The following TAF12 variants were observed in gnomAD, a reference collection of about 807,000 sequenced individuals.
The protein encoded by TAF12 is transcription initiation factor TFIID subunit 12.
TAF12 carries 3 observed loss-of-function variants against 20.8 expected under a neutral mutation model. The observed-to-expected ratio is 0.14, with a 90% CI of 0.07 to 0.37. The LOEUF (loss-of-function observed/expected upper bound fraction) is 0.37. Ranked by LOEUF, TAF12 falls within the 10% of genes least tolerant of loss-of-function variation. The pLI is 1.00. For synonymous variants in TAF12, 69 were observed against 70.2 expected (o/e 0.98, Z 0.09); for missense variants, 131 against 197.9 (o/e 0.66, Z 2.03).
intron 1 of TAF12, chr1:28,642,607 C>T (rs964687639): frequency 2.0e-6 from 2 of 983,224 alleles, no homozygotes; most frequent in South Asian, 4.7e-5. Flanking sequence ...TCTTCACTGT[C>T]CCGCTTCTGC....
intron 1 of TAF12, among the ~76,000 whole-genome samples, chr1:28,630,189 T>C (rs1221549537): frequency 1.3e-5 from 2 of 152,210 alleles, no homozygotes; most frequent in African/African-American, 4.8e-5. Flanking sequence ...CAAGCGATCC[T>C]CCTGCCTCAG....
chr1:28,632,820 G>A (rs1237326916), intron 1 of TAF12, among the ~76,000 whole-genome samples: 1 of 151,970 alleles, frequency 6.6e-6, no homozygotes, highest in East Asian at 1.9e-4. Flanking sequence ...CATATTCTAT[G>A]AGTTATGACT....
chr1:28,641,416 G>A (rs1337558942), intron 1 of TAF12, among the ~76,000 whole-genome samples: 1 of 152,040 alleles, frequency 6.6e-6, no homozygotes, highest in Non-Finnish European at 1.5e-5. Flanking sequence ...TGGGGAAGCA[G>A]AGATTGCAGT....
intron 1 of TAF12, among the ~76,000 whole-genome samples, chr1:28,628,092 C>T (rs1001560415): frequency 6.6e-6 from 1 of 151,942 alleles, no homozygotes; most frequent in Non-Finnish European, 1.5e-5. Context: ...CCTCCAGCTT[C>T]CCAGGAAAAA....
At chr1:28,621,387 A>T (rs1667216732) in intron 2 of TAF12, among the ~76,000 whole-genome samples, 2 of 152,244 alleles carry the variant, frequency 1.3e-5, no homozygotes, top group Admixed American at 1.3e-4. Flanking sequence ...CAGAAAATTA[A>T]TAATGGCAGC....
At chr1:28,635,971 C>G (rs2124379892) in intron 1 of TAF12, among the ~76,000 whole-genome samples, 1 of 152,136 alleles carries the variant, frequency 6.6e-6, no homozygotes, top group East Asian at 1.9e-4. Context: ...GCATAAAAGC[C>G]CTATACTGTG....
chr1:28,621,888 G>A (rs764264792), intron 2 of TAF12, 26 bp downstream of exon 2: 1 of 1,608,920 alleles, frequency 6.2e-7, no homozygotes. Flanking sequence ...AGTGGCTACA[G>A]AGAAGAAAGA....
intron 3 of TAF12, 48 bp downstream of exon 3, chr1:28,617,905 A>C: frequency 6.4e-7 from 1 of 1,567,632 alleles, no homozygotes; most frequent in Non-Finnish European, 8.8e-7. Flanking sequence ...CCACTATGCT[A>C]TACCGGTTCT....
Position 28,625,202 on chromosome 1 carries a change from G to A in TAF12, c.-84-3037C>T, listed in dbSNP as rs149146055. On this transcript the variant is annotated intron_variant, in intron 1 of 5. Transcript: ENST00000373824. ...CTGAGTATTGCACAAAATAAGTGGA[G>A]ACTTTTTATAACAGAGATTTTTGAG... Among the ~76,000 whole-genome samples, 558 of 152,302 alleles carry A rather than the reference G, an allele frequency of 3.7e-3. 7 individuals carry two copies. Among genetic ancestry groups the A allele is most frequent in the African/African-American group, 0.013 (534 of 41,564 alleles).
chr1:28,614,949 A>G (rs113335168), intron 3 of TAF12, among the ~76,000 whole-genome samples: 2,647 of 152,082 alleles, frequency 0.017, 75 homozygotes, highest in African/African-American at 0.06. Flanking sequence ...TCTCTACAAA[A>G]CATACAGAAA....
chr1:28,617,997 T>C lies in TAF12; in HGVS notation c.202A>G (p.Arg68Gly). 6.2e-7 allele frequency: 1 copy of C among 1,614,036 alleles called. No homozygotes were observed. The highest frequency in any genetic ancestry group is 8.5e-7 in the Non-Finnish European group (1 of 1,179,976). ...LTKKKLQDLVREVDPNEQLDE... is the reference protein window; with the variant it reads ...LTKKKLQDLVGEVDPNEQLDE... ...AACTGCTCATTAGGATCCACTTCTCTTACTAAGTCCTGTAATTTCTTCTTG... is the reference window on the plus strand; with the variant it reads ...AACTGCTCATTAGGATCCACTTCTCCTACTAAGTCCTGTAATTTCTTCTTG... Residue 68 changes from arginine to glycine, a missense_variant, in exon 3 of 6, where the codon AGA becomes GGA. By Grantham distance (125) the Arg-to-Gly change is moderately radical (BLOSUM62 -2). Transcript: ENST00000373824.
In TAF12 at chr1:28,616,697, C is replaced by CT. The variant is rs1432383376; in HGVS notation, c.246+1255dup. On this transcript the variant is annotated intron_variant, in intron 3 of 5. Coordinates refer to ENST00000373824, the MANE Select transcript of TAF12 (RefSeq NM_005644.4). ...GTTGCGGTAAGCTGAGATCCTGCCA[C>CT]TATACTCCAGCCTGGGCAACAGAGC... Among the ~76,000 whole-genome samples, 58 of 151,300 alleles carry CT rather than the reference C, an allele frequency of 3.8e-4. No individual in the cohort carries two copies. The Admixed American group carries it at 3.8e-3, about 10-fold the overall frequency.
intron 1 of TAF12, among the ~76,000 whole-genome samples, chr1:28,635,596 C>T (rs767266344): frequency 5.0e-4 from 75 of 149,316 alleles, no homozygotes; most frequent in Non-Finnish European, 9.2e-4. Flanking sequence ...TGAGCCACTG[C>T]ACCCGGCCTA....
intron 4 of TAF12, among the ~76,000 whole-genome samples, chr1:28,609,492 C>CT (rs1016521297): frequency 1.6e-4 from 24 of 148,298 alleles, no homozygotes; most frequent in Non-Finnish European, 3.2e-4. Flanking sequence ...TTAACTTTAA[C>CT]TTTTTTTTTT....
At chr1:28,616,217 T>G (rs1260619307) in intron 3 of TAF12, among the ~76,000 whole-genome samples, 1 of 144,586 alleles carries the variant, frequency 6.9e-6, no homozygotes, top group Non-Finnish European at 1.5e-5. Flanking sequence ...GCCAACATGG[T>G]AAAACTTTGT....
intron 1 of TAF12, among the ~76,000 whole-genome samples, chr1:28,638,173 GTATTTTATTT>G (rs766915282): frequency 2.8e-4 from 42 of 150,400 alleles, no homozygotes; most frequent in East Asian, 1.6e-3. Flanking sequence ...GCTAATTTTT[GTATTTTATTT>G]TATTTTATTT....
intron 3 of TAF12, among the ~76,000 whole-genome samples, chr1:28,613,838 T>C (rs559427402): frequency 1.3e-5 from 2 of 152,346 alleles, no homozygotes; most frequent in South Asian, 4.1e-4. Context: ...CCAGGTACAA[T>C]GGCTCATGCC....
intron 5 of TAF12, among the ~76,000 whole-genome samples, chr1:28,604,973 A>C (rs556738092): frequency 3.9e-5 from 6 of 152,326 alleles, no homozygotes; most frequent in Admixed American, 6.5e-5. Flanking sequence ...TCTCAGAACA[A>C]GTACAGCACA....
chr1:28,637,042 T>C lies in TAF12; in HGVS notation c.-85+5950A>G, dbSNP rs564954939. On this transcript the variant is annotated intron_variant, in intron 1 of 5. Transcript: ENST00000373824. ...GCTGCTAACCCAACACACATATCCA[T>C]GTGTGCTGGCACCATATAAGTGTTC... 4.6e-5 allele frequency among the ~76,000 whole-genome samples: 7 copies of C among 152,184 alleles called. No homozygotes were observed. In the South Asian group the frequency reaches 8.3e-4, roughly 18 times the overall value.
Sources: allele counts gnomAD v4.1 joint callset (sites outside exome capture counted in the v4.1 genomes callset), GRCh38; gene constraint gnomAD v4.1.1; transcripts MANE v1.5; gene names NCBI Gene and HGNC (gene_info 2026-07-23, HGNC 2026-07-21).